GABRG3: variants seen among roughly 807,000 people sequenced by gnomAD.
GABRG3 encodes gamma-aminobutyric acid type A receptor subunit gamma3, also known as gamma-aminobutyric acid receptor subunit gamma-3.
In GABRG3, 25 loss-of-function variants were observed where a neutral mutation model predicts 48.8. The ratio of observed to expected loss-of-function variants is 0.51; its 90% CI spans 0.37 to 0.72. GABRG3 has a LOEUF of 0.72. Among genes scored for constraint, GABRG3 ranks in the 30% least tolerant of loss-of-function variants. The probability of loss-of-function intolerance (pLI) is 0.00; values close to 1 mark genes in which losing one functional copy is unlikely to be tolerated. For missense variants in GABRG3, 394 were observed against 577.9 expected, an observed-to-expected ratio of 0.68 and a Z score of 3.26; for synonymous variants, 227 against 217.6, an observed-to-expected ratio of 1.04 and a Z score of -0.38.
At chr15:27,332,035 T>G (rs993846890) in intron 5 of GABRG3, among the ~76,000 whole-genome samples, 5 of 152,214 alleles carry the variant, frequency 3.3e-5, no homozygotes, top group Non-Finnish European at 1.5e-5. Flanking sequence ...ATGTGTAGCA[T>G]TAATTCATAT....
intron 3 of GABRG3, among the ~76,000 whole-genome samples, chr15:27,119,693 A>G (rs1227062025): frequency 1.3e-5 from 2 of 152,174 alleles, no homozygotes; most frequent in Non-Finnish European, 2.9e-5. Context: ...CATAGAATTC[A>G]TATTCTTGTG....
chr15:27,054,700 G>A (rs1896511878), intron 3 of GABRG3, among the ~76,000 whole-genome samples: 1 of 152,156 alleles, frequency 6.6e-6, no homozygotes, highest in African/African-American at 2.4e-5. Context: ...TGCCAGGGAC[G>A]GTGCTTCAAA....
At chr15:27,393,831 G>C (rs9635411) in intron 5 of GABRG3, among the ~76,000 whole-genome samples, 69,389 of 152,022 alleles carry the variant, frequency 0.46, 16,931 homozygotes, top group East Asian at 0.99. Flanking sequence ...TGGCAGCCCC[G>C]CTGATACCTT....
chr15:27,520,534 G>A (rs73371563), intron 7 of GABRG3, among the ~76,000 whole-genome samples: 9,688 of 148,952 alleles, frequency 0.065, 1,099 homozygotes, highest in African/African-American at 0.23. Context: ...TTGAAGCTCT[G>A]CTTGTATATA....
At chr15:27,025,152 A>C (rs985085145) in intron 2 of GABRG3, among the ~76,000 whole-genome samples, 18 of 151,734 alleles carry the variant, frequency 1.2e-4, no homozygotes, top group African/African-American at 4.4e-4. Context: ...GCACTGTTGC[A>C]CTTATTACAT....
intron 3 of GABRG3, among the ~76,000 whole-genome samples, chr15:27,168,348 C>A (rs1020692265): frequency 1.3e-5 from 2 of 151,852 alleles, no homozygotes; most frequent in Non-Finnish European, 2.9e-5. Context: ...CACTCCCCAG[C>A]AGGCAGTCGC....
At chr15:27,237,139 A>C (rs893337630) in intron 3 of GABRG3, among the ~76,000 whole-genome samples, 1 of 152,238 alleles carries the variant, frequency 6.6e-6, no homozygotes, top group African/African-American at 2.4e-5. Flanking sequence ...TGAAGCCTAG[A>C]ATGGCTGTGA....
intron 3 of GABRG3, among the ~76,000 whole-genome samples, chr15:27,031,073 CACACACACACACACAT>C (rs1230720637): frequency 9.9e-5 from 15 of 151,750 alleles, no homozygotes; most frequent in African/African-American, 3.6e-4. Flanking sequence ...GACACACACA[CACACACACACACACAT>C]ACAACACATA....
At chr15:27,248,097 T>G (rs1342300748) in intron 3 of GABRG3, among the ~76,000 whole-genome samples, 1 of 152,202 alleles carries the variant, frequency 6.6e-6, no homozygotes, top group African/African-American at 2.4e-5. Flanking sequence ...TACAGAACAC[T>G]TCTTCAGATA....
chr15:26,995,924 G>GA (rs1464667634), intron 2 of GABRG3, among the ~76,000 whole-genome samples: 1 of 151,992 alleles, frequency 6.6e-6, no homozygotes, highest in Non-Finnish European at 1.5e-5. Context: ...GTCTTCCTGT[G>GA]AATTAGAGTT....
At chr15:27,297,002 T>A (rs1312135036) in intron 3 of GABRG3, among the ~76,000 whole-genome samples, 1 of 152,090 alleles carries the variant, frequency 6.6e-6, no homozygotes, top group Non-Finnish European at 1.5e-5. Context: ...AAGACAGTGA[T>A]ATGGAAAATC....
At position 27,308,214 on chromosome 15, in the gene GABRG3, A is replaced by T. The variant is rs1363597765; in HGVS notation, c.271-18595A>T. 1.6e-3 allele frequency among the ~76,000 whole-genome samples: 74 copies of T among 46,988 alleles called. 23 individuals carry two copies. The highest frequency in any genetic ancestry group is 7.7e-3 in the African/African-American group (71 of 9,218). 30.8% of individuals were successfully genotyped at this position (46,988 alleles called of 152,430 possible). Reference sequence around the variant, plus strand: ...TATAAACATGTTTATATATCCAAACATATATAAACATGTTTATATATCCAA... The same window carrying T: ...TATAAACATGTTTATATATCCAAACTTATATAAACATGTTTATATATCCAA... On this transcript the variant is annotated intron_variant, in intron 3 of 9. Transcript: ENST00000615808.
intron 3 of GABRG3, among the ~76,000 whole-genome samples, chr15:27,094,568 C>T (rs996318530): frequency 1.3e-5 from 2 of 152,116 alleles, no homozygotes; most frequent in Non-Finnish European, 2.9e-5. Context: ...TCCTGGGGCT[C>T]AGGAAACATA....
At position 27,313,274 on chromosome 15, in the gene GABRG3, A is replaced by G. The variant is rs1402065487; in HGVS notation, c.271-13535A>G. On this transcript the variant is annotated intron_variant, in intron 3 of 9. Coordinates refer to ENST00000615808, the MANE Select transcript of GABRG3 (RefSeq NM_033223.5). Reference sequence around the variant, plus strand: ...TGTGTGTGTGTGTGTATATATATATATATATATATATATATATATATATAT... The same window carrying G: ...TGTGTGTGTGTGTGTATATATATATGTATATATATATATATATATATATAT... Among the ~76,000 whole-genome samples, 320 of 71,878 alleles carry G rather than the reference A, an allele frequency of 4.5e-3. 1 individual carries two copies. Among genetic ancestry groups the G allele is most frequent in the African/African-American group, 0.011 (151 of 13,354 alleles). 47.2% of individuals were successfully genotyped at this position (71,878 alleles called of 152,430 possible).
chr15:27,244,464 T>C (rs1457586933), intron 3 of GABRG3, among the ~76,000 whole-genome samples: 1 of 152,220 alleles, frequency 6.6e-6, no homozygotes, highest in Non-Finnish European at 1.5e-5. Flanking sequence ...ACAGAGAACA[T>C]ATCATGCCCC....
At chr15:27,440,220 T>C (rs1308814502) in intron 5 of GABRG3, among the ~76,000 whole-genome samples, 1 of 152,174 alleles carries the variant, frequency 6.6e-6, no homozygotes, top group East Asian at 1.9e-4. Context: ...AGAATAACCA[T>C]GAAAGATCTT....
In GABRG3 at chr15:27,506,802, T is replaced by A. The variant is rs1034519691; in HGVS notation, c.713-13170T>A. The stretch of plus-strand genomic sequence containing the variant: ...AAAGCAACTTTTGGGTTTTTTTTTC[T>A]TTTAAATTTCACTAACTTCTTTTAT... On this transcript the variant is annotated intron_variant, in intron 6 of 9. Transcript: ENST00000615808. Among the ~76,000 whole-genome samples the A allele has an allele frequency of 1.6e-4, 24 of 152,160 alleles. 1 individual carries two copies. Among genetic ancestry groups the A allele is most frequent in the Admixed American group, 1.2e-3 (19 of 15,286 alleles).
rs1325071197 is a variant in GABRG3, at chr15:27,531,141, G to A, written c.1123-1459G>A. On this transcript the variant is annotated intron_variant, in intron 9 of 9. Coordinates refer to ENST00000615808, the MANE Select transcript of GABRG3 (RefSeq NM_033223.5). ...GAGGAGGAGGGTGGGCAGCCGCACC[G>A]TGAGGCCCCAATGGTAGCAGAGGGA... Among the ~76,000 whole-genome samples the A allele has an allele frequency of 8.5e-5, 13 of 152,232 alleles. No individual in the cohort carries two copies. The East Asian group carries it at 1.9e-3, about 23-fold the overall frequency.
rs1229518559 is a variant in GABRG3, at chr15:27,535,433, A to G, written c.*2552A>G. 2 of 152,144 alleles carry G rather than the reference A, an allele frequency of 1.3e-5. No individual in the cohort carries two copies. Among genetic ancestry groups the G allele is most frequent in the Non-Finnish European group, 2.9e-5 (2 of 68,038 alleles). The allele number at this position is 152,144 out of a possible 1,614,324, so 9.4% of individuals were successfully genotyped here. A position where few individuals can be genotyped will look rare whatever the true frequency, so the allele number is the denominator to read the frequency against. Reference sequence around the variant, plus strand: ...TACATGTAGGATAAATACACCAATAACCTCAGTTTTCTGAATCCAGCCATT... The same window carrying G: ...TACATGTAGGATAAATACACCAATAGCCTCAGTTTTCTGAATCCAGCCATT... On this transcript the variant is annotated 3_prime_UTR_variant, in exon 10 of 10. Coordinates refer to ENST00000615808, the MANE Select transcript of GABRG3 (RefSeq NM_033223.5).
Sources: allele counts gnomAD v4.1 joint callset (sites outside exome capture counted in the v4.1 genomes callset), GRCh38; gene constraint gnomAD v4.1.1; transcripts MANE v1.5; gene names NCBI Gene and HGNC (gene_info 2026-07-23, HGNC 2026-07-21).